ZHX2: variants seen among roughly 807,000 people sequenced by gnomAD.
ZHX2 encodes zinc fingers and homeoboxes protein 2.
A neutral mutation model predicts 21.9 loss-of-function variants in ZHX2; 6 were observed. That is an observed-to-expected ratio of 0.27 (90% CI 0.15 to 0.54). The LOEUF (loss-of-function observed/expected upper bound fraction) is 0.54, where lower values mean the gene tolerates loss of function less well. Ranked by LOEUF, ZHX2 falls within the 20% of genes least tolerant of loss-of-function variation. The pLI is 0.95. For missense variants in ZHX2, 908 were observed against 1,090.7 expected, an observed-to-expected ratio of 0.83 and a Z score of 2.36; for synonymous variants, 434 against 437.1, an observed-to-expected ratio of 0.99 and a Z score of 0.09.
At chr8:122,857,843 G>A (rs1038039456) in intron 1 of ZHX2, among the ~76,000 whole-genome samples, 8 of 151,884 alleles carry the variant, frequency 5.3e-5, no homozygotes, top group Admixed American at 3.3e-4. Flanking sequence ...TGTAAAAAAG[G>A]GAGATAAGGC....
intron 1 of ZHX2, among the ~76,000 whole-genome samples, chr8:122,798,836 C>G (rs1264842814): frequency 6.6e-6 from 1 of 151,880 alleles, no homozygotes; most frequent in Non-Finnish European, 1.5e-5. Flanking sequence ...AAAGTAAGGA[C>G]TCTCTTCAAC....
In ZHX2 at chr8:122,828,779, GT is replaced by G. The variant is rs1263685512; in HGVS notation, c.-282-34696del. Among the ~76,000 whole-genome samples, 1 of 152,210 alleles carries G rather than the reference GT, an allele frequency of 6.6e-6. No homozygotes were observed. The highest frequency in any genetic ancestry group is 2.4e-5 in the African/African-American group (1 of 41,456). On this transcript the variant is annotated intron_variant, in intron 1 of 3. Coordinates refer to ENST00000314393, the MANE Select transcript of ZHX2 (RefSeq NM_014943.5). The surrounding 1 kb of genome is among the most constrained non-coding windows in gnomAD (Gnocchi z 5.2). ...GGGGTTCTTGGAAGGCTCATTCTAGGTTGTTCTCATTGGGAATATAAATGAA... is the reference window on the plus strand; with the variant it reads ...GGGGTTCTTGGAAGGCTCATTCTAGGTGTTCTCATTGGGAATATAAATGAA...
intron 1 of ZHX2, among the ~76,000 whole-genome samples, chr8:122,854,802 T>G (rs1021687131): frequency 2.8e-4 from 42 of 152,186 alleles, no homozygotes; most frequent in Non-Finnish European, 1.6e-4. Context: ...GACATCATCT[T>G]AATAAGCCCT....
At chr8:122,791,863 T>C (rs1358711195) in intron 1 of ZHX2, among the ~76,000 whole-genome samples, 1 of 126,042 alleles carries the variant, frequency 7.9e-6, no homozygotes, top group Non-Finnish European at 1.7e-5. Flanking sequence ...AGACTCCATC[T>C]CATAAAAAAA....
intron 2 of ZHX2, among the ~76,000 whole-genome samples, chr8:122,913,305 A>G (rs1045809389): frequency 2.0e-5 from 3 of 152,216 alleles, no homozygotes; most frequent in African/African-American, 7.2e-5. Context: ...CTTTTCGACT[A>G]TCATAAATAG....
intron 2 of ZHX2, among the ~76,000 whole-genome samples, chr8:122,937,584 CTT>C (rs11297115): frequency 1.9e-3 from 275 of 145,912 alleles, no homozygotes; most frequent in Non-Finnish European, 2.2e-3. Context: ...CGTCTATTAT[CTT>C]TTTTTTTTTT....
intron 3 of ZHX2, 23 bp downstream of exon 3, chr8:122,954,051 G>A (rs1813230025): frequency 6.5e-7 from 1 of 1,549,254 alleles, no homozygotes; most frequent in African/African-American, 1.4e-5. Flanking sequence ...GCTCACCCAG[G>A]CAGCAGGGGA....
At position 122,897,892 on chromosome 8, in the gene ZHX2, G is replaced by A. The variant is rs905764239; in HGVS notation, c.-220+34353G>A. On this transcript the variant is annotated intron_variant, in intron 2 of 3. Transcript: ENST00000314393. ...CTTGCCAGATGTGGTGGCCTAGATC[G>A]CTGAAAGCCCACATTTTTGGCTTAG... is the stretch of plus-strand genomic sequence containing the variant. 5.3e-5 allele frequency among the ~76,000 whole-genome samples: 8 copies of A among 152,262 alleles called. No individual in the cohort carries two copies. In the South Asian group the frequency reaches 1.0e-3, roughly 20 times the overall value.
At chr8:122,859,237 G>A (rs1195567434) in intron 1 of ZHX2, among the ~76,000 whole-genome samples, 1 of 152,204 alleles carries the variant, frequency 6.6e-6, no homozygotes, top group African/African-American at 2.4e-5. Flanking sequence ...GCAGTACTGG[G>A]TTCAAGGATA....
intron 2 of ZHX2, among the ~76,000 whole-genome samples, chr8:122,923,116 T>C (rs142302410): frequency 2.1e-4 from 32 of 152,372 alleles, no homozygotes; most frequent in African/African-American, 7.2e-4. Flanking sequence ...TCCTGGTTGA[T>C]ATCTTGGGTC....
chr8:122,969,316 T>A (rs1406485794), intron 3 of ZHX2, among the ~76,000 whole-genome samples: 1 of 152,174 alleles, frequency 6.6e-6, no homozygotes, highest in African/African-American at 2.4e-5. Flanking sequence ...GGAGGTATGT[T>A]GTACAACATA....
chr8:122,864,709 C>T (rs905087191), intron 2 of ZHX2, among the ~76,000 whole-genome samples: 4 of 152,118 alleles, frequency 2.6e-5, no homozygotes, highest in African/African-American at 9.7e-5. Context: ...GCTTCAGCTT[C>T]ACCTGGAATC....
intron 2 of ZHX2, among the ~76,000 whole-genome samples, chr8:122,871,728 CAAA>C (rs35881741): frequency 1.9e-5 from 2 of 107,960 alleles, no homozygotes; most frequent in Non-Finnish European, 3.6e-5. Flanking sequence ...TTTCTCAGGG[CAAA>C]AAAAAAAAAA....
chr8:122,784,659 T>A (rs931039329), intron 1 of ZHX2, among the ~76,000 whole-genome samples: 1 of 152,386 alleles, frequency 6.6e-6, no homozygotes, highest in Middle Eastern at 3.4e-3. Context: ...ATGTTCATTA[T>A]ACTAATAAGA....
intron 2 of ZHX2, among the ~76,000 whole-genome samples, chr8:122,910,768 C>T (rs955597643): frequency 2.6e-5 from 4 of 152,086 alleles, no homozygotes; most frequent in African/African-American, 9.7e-5. Context: ...AGGAATACAG[C>T]CACTGACACT....
chr8:122,847,986 T>C (rs1309445649), intron 1 of ZHX2, among the ~76,000 whole-genome samples: 1 of 152,088 alleles, frequency 6.6e-6, no homozygotes, highest in Non-Finnish European at 1.5e-5. Flanking sequence ...CCTTCCAAAC[T>C]CATCTTGGAC....
chr8:122,827,998 C>A (rs1374633547), intron 1 of ZHX2, among the ~76,000 whole-genome samples: 1 of 152,136 alleles, frequency 6.6e-6, no homozygotes, highest in Non-Finnish European at 1.5e-5. Context: ...ACTGTAGTCC[C>A]AGCTACTCGG....
chr8:122,874,883 C>T (rs1251340558), intron 2 of ZHX2, among the ~76,000 whole-genome samples: 3 of 151,096 alleles, frequency 2.0e-5, no homozygotes, highest in African/African-American at 4.9e-5. Context: ...GCAGTGGGGA[C>T]GTTCTCAGGT....
chr8:122,846,515 G>A lies in ZHX2; in HGVS notation c.-282-16962G>A, dbSNP rs572918977. On this transcript the variant is annotated intron_variant, in intron 1 of 3. Transcript: ENST00000314393. Reference sequence around the variant, plus strand: ...ATACAAGAAACAAACAAAAACCCCCGATGTCCTACCTTCTAATGTTTCAGA... The same window carrying A: ...ATACAAGAAACAAACAAAAACCCCCAATGTCCTACCTTCTAATGTTTCAGA... Among the ~76,000 whole-genome samples the A allele has an allele frequency of 6.7e-5, 10 of 150,210 alleles. No individual in the cohort carries two copies. The South Asian group carries it at 8.4e-4, about 13-fold the overall frequency.
Sources: allele counts gnomAD v4.1 joint callset (sites outside exome capture counted in the v4.1 genomes callset), GRCh38; gene constraint gnomAD v4.1.1; non-coding constraint Gnocchi (gnomAD v3.1); transcripts MANE v1.5; gene names NCBI Gene and HGNC (gene_info 2026-07-23, HGNC 2026-07-21).